CDC42: variants seen among roughly 807,000 people sequenced by gnomAD.
The protein encoded by CDC42 is cell division control protein 42 homolog.
CDC42 carries 1 observed loss-of-function variant against 20.8 expected under a neutral mutation model. The observed-to-expected ratio is 0.05, with a 90% confidence interval of 0.02 to 0.23. CDC42 has a LOEUF of 0.23. CDC42 is among the 10% of genes least tolerant of loss of function. CDC42 has a pLI of 1.00. For synonymous variants in CDC42, 72 were observed against 84.8 expected (o/e 0.85, Z 0.83); for missense variants, 49 against 227.9 (o/e 0.21, Z 5.05).
chr1:22,086,247 C>T (rs554313623), intron 3 of CDC42, among the ~76,000 whole-genome samples, 192 bp from the exon 4 acceptor site: 3 of 152,262 alleles, frequency 2.0e-5, no homozygotes, highest in African/African-American at 7.2e-5. Flanking sequence ...ATAGTAAATT[C>T]ATTGCTGTTC....
chr1:22,061,942 A>G (rs990220094), intron 1 of CDC42, among the ~76,000 whole-genome samples: 2 of 147,876 alleles, frequency 1.4e-5, no homozygotes, highest in Non-Finnish European at 3.0e-5. Flanking sequence ...TATTTTATTT[A>G]TTTCTTTTTT....
intron 3 of CDC42, among the ~76,000 whole-genome samples, chr1:22,084,508 G>C (rs1251411316): frequency 6.6e-6 from 1 of 151,662 alleles, no homozygotes; most frequent in African/African-American, 2.4e-5. Context: ...GCCCATTTTT[G>C]AATTGGGATT....
At chr1:22,065,265 G>A (rs1279471056) in intron 1 of CDC42, among the ~76,000 whole-genome samples, 2 of 152,142 alleles carry the variant, frequency 1.3e-5, no homozygotes, top group African/African-American at 4.8e-5. Context: ...TGTGTGATTA[G>A]GTTATTTCGT....
At chr1:22,060,286 G>A (rs890421358) in intron 1 of CDC42, among the ~76,000 whole-genome samples, 7 of 151,958 alleles carry the variant, frequency 4.6e-5, no homozygotes, top group Non-Finnish European at 5.9e-5. Flanking sequence ...TGCAGTGAGC[G>A]GGGATGCACC....
chr1:22,054,929 T>A (rs1231410045), intron 1 of CDC42, among the ~76,000 whole-genome samples: 900 of 10,082 alleles, frequency 0.089, 30 homozygotes, highest in East Asian at 0.12. Context: ...ATATTTTTTT[T>A]TTTTTTTTTT....
chr1:22,089,566 T>A (rs1056094496), intron 5 of CDC42, among the ~76,000 whole-genome samples: 1 of 152,242 alleles, frequency 6.6e-6, no homozygotes, highest in African/African-American at 2.4e-5. Flanking sequence ...ATTAATCACA[T>A]TCAGATATGT....
Position 22,094,486 on chromosome 1 carries a change from A to T in CDC42, c.*2969A>T, listed in dbSNP as rs1213686751. Among the ~76,000 whole-genome samples the T allele has an allele frequency of 6.9e-6, 1 of 145,786 alleles. No individual in the cohort carries two copies. Among genetic ancestry groups the T allele is most frequent in the Non-Finnish European group, 1.5e-5 (1 of 67,258 alleles). On this transcript the variant is annotated 3_prime_UTR_variant, in exon 6 of 6. Coordinates refer to ENST00000656825, the MANE Select transcript of CDC42 (RefSeq NM_001791.4). Reference sequence around the variant, plus strand: ...CTAATTTTTTGTATTTTTAGTAGAGACGGGGTTTCACCGTGTTAGCCAGAA... The same window carrying T: ...CTAATTTTTTGTATTTTTAGTAGAGTCGGGGTTTCACCGTGTTAGCCAGAA...
intron 5 of CDC42, chr1:22,090,578 G>A: frequency 3.0e-6 from 3 of 986,112 alleles, no homozygotes; most frequent in South Asian, 4.7e-5. Flanking sequence ...GTATTTGTCA[G>A]TCTGGGGTGG....
intron 1 of CDC42, among the ~76,000 whole-genome samples, chr1:22,069,619 T>C (rs1459222171): frequency 4.6e-5 from 5 of 107,956 alleles, no homozygotes; most frequent in South Asian, 6.0e-4. Context: ...ACCACTTTTT[T>C]TTTTTTTTTT....
chr1:22,099,840 C>G lies in CDC42; in HGVS notation c.*8323C>G, dbSNP rs1436686969. Reference sequence around the variant, plus strand: ...CCTTTGTGTGAATTAACTCAGTCTTCTCAGCAATCCCCCATTTTTTCATAT... The same window carrying G: ...CCTTTGTGTGAATTAACTCAGTCTTGTCAGCAATCCCCCATTTTTTCATAT... On this transcript the variant is annotated 3_prime_UTR_variant, in exon 6 of 6. Transcript: ENST00000656825. Among the ~76,000 whole-genome samples, 1 of 151,512 alleles carries G rather than the reference C, an allele frequency of 6.6e-6. No homozygotes were observed. Among genetic ancestry groups the G allele is most frequent in the Non-Finnish European group, 1.5e-5 (1 of 67,876 alleles).
At chr1:22,088,438 A>G (rs1020663811) in intron 5 of CDC42, among the ~76,000 whole-genome samples, 9 of 152,222 alleles carry the variant, frequency 5.9e-5, no homozygotes, top group African/African-American at 2.2e-4. Flanking sequence ...TATGAAGTTT[A>G]AAAGGTCTTA....
rs1645771697 is a variant in CDC42, at chr1:22,098,585, A to T, written c.*7068A>T. Reference sequence around the variant, plus strand: ...TAGGGCCATATTGTTTTGAAATAGGATCTGAGCACCATTTAAATTTTTATA... The same window carrying T: ...TAGGGCCATATTGTTTTGAAATAGGTTCTGAGCACCATTTAAATTTTTATA... On this transcript the variant is annotated 3_prime_UTR_variant, in exon 6 of 6. Transcript: ENST00000656825. Among the ~76,000 whole-genome samples, 1 of 152,218 alleles carries T rather than the reference A, an allele frequency of 6.6e-6. No individual in the cohort carries two copies. The highest frequency in any genetic ancestry group is 6.5e-5 in the Admixed American group (1 of 15,272).
chr1:22,054,383 T>C (rs1387926509), intron 1 of CDC42, among the ~76,000 whole-genome samples: 1 of 151,920 alleles, frequency 6.6e-6, no homozygotes, highest in East Asian at 1.9e-4. Context: ...GCCCCGCTAA[T>C]TTTTGTATTT....
At chr1:22,066,300 G>A (rs1645422897) in intron 1 of CDC42, among the ~76,000 whole-genome samples, 1 of 152,046 alleles carries the variant, frequency 6.6e-6, no homozygotes, top group African/African-American at 2.4e-5. Flanking sequence ...GCTTGAGCGT[G>A]GGAGGCAGAC....
Position 22,061,528 on chromosome 1 carries a change from C to CTTTTTTTTTTTTTTTTTTTTTT in CDC42, c.-51+8789_-51+8790insTTTTTTTTTTTTTTTTTTTTTT, listed in dbSNP as rs1404317396. ...GGTCAATCAGTTTAACTTCATGTTTCTTTCTTTTTTTTTTTTTTTTTTTTT... is the reference window on the plus strand; with the variant it reads ...GGTCAATCAGTTTAACTTCATGTTTCTTTTTTTTTTTTTTTTTTTTTTTTTCTTTTTTTTTTTTTTTTTTTTT... On this transcript the variant is annotated intron_variant, in intron 1 of 5. Transcript: ENST00000656825. Among the ~76,000 whole-genome samples, 4 of 86,306 alleles carry CTTTTTTTTTTTTTTTTTTTTTT rather than the reference C, an allele frequency of 4.6e-5. 2 individuals are homozygous for CTTTTTTTTTTTTTTTTTTTTTT. Among genetic ancestry groups the CTTTTTTTTTTTTTTTTTTTTTT allele is most frequent in the Admixed American group, 2.8e-4 (2 of 7,080 alleles). The allele number at this position is 86,306 out of a possible 152,430, so 56.6% of individuals were successfully genotyped here. A position where few individuals can be genotyped will look rare whatever the true frequency, so the allele number is the denominator to read the frequency against.
rs1645664883 is a variant in CDC42 at position 22,086,654 on chromosome 1, A to C, written c.289-15A>C. 1.2e-6 allele frequency: 2 copies of C among 1,613,116 alleles called. No individual in the cohort carries two copies. The highest frequency in any genetic ancestry group is 1.7e-6 in the Non-Finnish European group (2 of 1,179,274). ...GTTGATTAACAAAGGTGTATTTTAAAATACCTTTTTTTAGTGGGTGCCTGA... is the reference window on the plus strand; with the variant it reads ...GTTGATTAACAAAGGTGTATTTTAACATACCTTTTTTTAGTGGGTGCCTGA... On this transcript the variant is annotated splice_polypyrimidine_tract_variant and intron_variant, in intron 4 of 5. Coordinates refer to ENST00000656825, the MANE Select transcript of CDC42 (RefSeq NM_001791.4).
At chr1:22,082,610 T>A (rs1189391601) in intron 3 of CDC42, among the ~76,000 whole-genome samples, 2 of 152,198 alleles carry the variant, frequency 1.3e-5, no homozygotes, top group African/African-American at 2.4e-5. Flanking sequence ...CTAAACTTTG[T>A]GCTTTGAGTT....
chr1:22,065,079 A>G (rs1331299919), intron 1 of CDC42, among the ~76,000 whole-genome samples: 1 of 152,222 alleles, frequency 6.6e-6, no homozygotes, highest in Non-Finnish European at 1.5e-5. Context: ...TGTGATGGTG[A>G]TACTATTGTC....
At chr1:22,065,027 A>G (rs1418989698) in intron 1 of CDC42, among the ~76,000 whole-genome samples, 2 of 152,212 alleles carry the variant, frequency 1.3e-5, no homozygotes, top group Admixed American at 1.3e-4. Context: ...GTAAGAGTTC[A>G]TAGTTGAGTG....
Sources: gnomAD v4.1 joint callset for allele counts (sites outside exome capture counted in the v4.1 genomes callset) on GRCh38, gnomAD v4.1.1 for gene constraint, MANE v1.5 for transcripts, NCBI Gene and HGNC (gene_info 2026-07-23, HGNC 2026-07-21) for gene names.